The following DAOA variants were observed in gnomAD, a reference collection of about 807,000 sequenced individuals.
DAOA encodes the protein D-amino acid oxidase regulator.
A neutral mutation model predicts 16.4 loss-of-function variants in DAOA; 15 were observed. The observed-to-expected ratio is 0.91, with a 90% CI of 0.61 to 1.41. DAOA has a LOEUF of 1.41. Ranked by LOEUF, DAOA falls within the 40% of genes most tolerant of loss-of-function variation. The probability of loss-of-function intolerance (pLI) is 0.00; values close to 1 mark genes in which losing one functional copy is unlikely to be tolerated. For missense variants in DAOA, 230 were observed against 176.8 expected (o/e 1.30, Z -1.71); for synonymous variants, 75 against 59.1 (o/e 1.27, Z -1.23).
At chr13:105,477,902 T>C (rs968157784) in intron 4 of DAOA, among the ~76,000 whole-genome samples, 1 of 152,228 alleles carries the variant, frequency 6.6e-6, no homozygotes, top group African/African-American at 2.4e-5. Flanking sequence ...ACATTAATTA[T>C]TTCACTTGTA....
chr13:105,480,502 AGATG>A (rs1402700776), intron 4 of DAOA, among the ~76,000 whole-genome samples: 1 of 149,472 alleles, frequency 6.7e-6, no homozygotes, highest in East Asian at 2.0e-4. Context: ...ATAGATACAT[AGATG>A]GATGGATGGA....
In DAOA at chr13:105,467,729, CT is replaced by C. The variant is rs200744980; in HGVS notation, c.133+606del. On this transcript the variant is annotated intron_variant, in intron 3 of 5. Transcript: ENST00000375936. ...ATGTTTAATCCCCTAGAAGGTGATC[CT>C]TTTTTTTTTTTTTTTTTCAAAGAGA... 739 of 127,096 alleles carry C rather than the reference CT, an allele frequency of 5.8e-3. 4 individuals are homozygous for C. The highest frequency in any genetic ancestry group is 0.021 in the South Asian group (83 of 3,884). 7.9% of individuals were successfully genotyped at this position (127,096 alleles called of 1,614,324 possible).
intron 3 of DAOA, among the ~76,000 whole-genome samples, chr13:105,468,218 T>C (rs900937009): frequency 1.3e-5 from 2 of 151,806 alleles, no homozygotes; most frequent in Non-Finnish European, 2.9e-5. Context: ...TCCCGGTCGT[T>C]AACATTAATT....
chr13:105,487,053 G>A (rs1215254148), intron 4 of DAOA, among the ~76,000 whole-genome samples: 2 of 152,146 alleles, frequency 1.3e-5, no homozygotes, highest in Non-Finnish European at 2.9e-5. Context: ...TTGGATTACA[G>A]TGGTCAGGAA....
intron 4 of DAOA, among the ~76,000 whole-genome samples, chr13:105,482,225 A>G (rs984228573): frequency 6.6e-5 from 10 of 152,144 alleles, no homozygotes; most frequent in African/African-American, 2.4e-4. Flanking sequence ...CAGCCAAACC[A>G]TATTACTTGC....
intron 3 of DAOA, among the ~76,000 whole-genome samples, chr13:105,471,833 A>G (rs1876976260): frequency 2.0e-5 from 3 of 152,262 alleles, no homozygotes; most frequent in Admixed American, 2.0e-4. Context: ...AAGTTGCAAA[A>G]TAGCTCAAAG....
intron 3 of DAOA, among the ~76,000 whole-genome samples, chr13:105,470,886 G>C (rs1446210305): frequency 6.6e-6 from 1 of 152,146 alleles, no homozygotes; most frequent in Non-Finnish European, 1.5e-5. Flanking sequence ...CGCCTCCCGG[G>C]TTCATGCCAT....
intron 4 of DAOA, among the ~76,000 whole-genome samples, chr13:105,484,600 C>T (rs1480980301): frequency 2.0e-5 from 3 of 151,954 alleles, no homozygotes; most frequent in Non-Finnish European, 4.4e-5. Flanking sequence ...TTTTAAAATT[C>T]AATTACATAT....
intron 2 of DAOA, among the ~76,000 whole-genome samples, chr13:105,466,792 C>A (rs1163429893): frequency 6.6e-6 from 1 of 151,980 alleles, no homozygotes; most frequent in African/African-American, 2.4e-5. Flanking sequence ...GGTTTGAGAG[C>A]CAGTAAGACC....
chr13:105,477,221 G>C (rs1877400689), intron 4 of DAOA: 1 of 152,130 alleles, frequency 6.6e-6, no homozygotes, highest in Admixed American at 6.6e-5. Context: ...GTCAGTCTTG[G>C]TGCTTGTTTT....
At chr13:105,466,994 C>T (rs990015786) in intron 2 of DAOA, 59 bp from the exon 3 acceptor site, 7 of 1,545,478 alleles carry the variant, frequency 4.5e-6, no homozygotes, top group African/African-American at 2.7e-5. Context: ...CTTATTCTTT[C>T]TCTCTTCTGC....
At position 105,486,901 on chromosome 13, in the gene DAOA, T is replaced by C. The variant is rs118097515; in HGVS notation, c.282-3000T>C. Among the ~76,000 whole-genome samples the C allele has an allele frequency of 2.7e-4, 41 of 152,324 alleles. 1 individual carries two copies. The East Asian group carries it at 7.9e-3, about 29-fold the overall frequency. On this transcript the variant is annotated intron_variant, in intron 4 of 5. Transcript: ENST00000375936. ...TCCCATAGTGCTGAGATTACAGGCA[T>C]GAGCCACGGTACCTGGCCTCAGTAT...
intron 4 of DAOA, among the ~76,000 whole-genome samples, chr13:105,482,850 C>T (rs1877849947): frequency 6.6e-6 from 1 of 152,044 alleles, no homozygotes; most frequent in Admixed American, 6.6e-5. Flanking sequence ...GAAATAGGAA[C>T]TTTTTTTAAA....
intron 4 of DAOA, chr13:105,489,690 C>A: frequency 9.4e-7 from 1 of 1,069,152 alleles, no homozygotes; most frequent in South Asian, 1.8e-5. Flanking sequence ...GAAATTATAT[C>A]CAAATATGTA....
At chr13:105,479,555 C>T (rs1038805952) in intron 4 of DAOA, among the ~76,000 whole-genome samples, 1 of 152,160 alleles carries the variant, frequency 6.6e-6, no homozygotes, top group Non-Finnish European at 1.5e-5. Context: ...AATGCGCCAC[C>T]TTCCTTGGCT....
intron 4 of DAOA, among the ~76,000 whole-genome samples, chr13:105,479,097 T>G (rs1426758621): frequency 2.6e-5 from 4 of 152,334 alleles, no homozygotes; most frequent in African/African-American, 9.6e-5. Context: ...TATCTCTTTA[T>G]CTTCGCTATA....
At position 105,467,086 on chromosome 13, in the gene DAOA, A is replaced by G; in HGVS notation, c.78A>G (p.Ile26Met). Residue 26 changes from isoleucine to methionine, a missense_variant, in exon 3 of 6, where the codon ATA (isoleucine) becomes ATG (methionine). By Grantham distance (10) the Ile-to-Met change is conservative (BLOSUM62 1). Transcript: ENST00000375936. ...SRYTLGKIYF[I>M]GFQRSILLSK... ...ATACATTGGGTAAAATCTACTTCAT[A>G]GGTTTTCAAAGGAGCATTCTTCTGA... 1.2e-6 allele frequency: 2 copies of G among 1,611,896 alleles called. No homozygotes were observed. The highest frequency in any genetic ancestry group is 1.7e-6 in the Non-Finnish European group (2 of 1,178,734).
intron 4 of DAOA, among the ~76,000 whole-genome samples, chr13:105,483,959 G>A (rs72655087): frequency 6.6e-6 from 1 of 151,970 alleles, no homozygotes; most frequent in Non-Finnish European, 1.5e-5. Context: ...TTTACTTAAC[G>A]CTAATTGACA....
intron 5 of DAOA, 55 bp downstream of exon 5, chr13:105,490,247 T>C (rs1450578973): frequency 2.3e-6 from 2 of 873,244 alleles, no homozygotes; most frequent in Non-Finnish European, 1.4e-6. Context: ...AATATAATTT[T>C]TATGAATTAT....
Sources: allele counts gnomAD v4.1 joint callset (sites outside exome capture counted in the v4.1 genomes callset), GRCh38; gene constraint gnomAD v4.1.1; transcripts MANE v1.5; gene names NCBI Gene and HGNC (gene_info 2026-07-23, HGNC 2026-07-21).